The following BBS2 variants were observed in gnomAD, a reference collection of about 807,000 sequenced individuals.
BBS2 encodes the protein BBSome complex member BBS2.
Under a neutral mutation model 83.0 loss-of-function variants are expected in BBS2, and 62 were observed. The ratio of observed to expected loss-of-function variants is 0.75; its 90% CI spans 0.61 to 0.92. The LOEUF (loss-of-function observed/expected upper bound fraction) is 0.92, where lower values mean the gene tolerates loss of function less well. Ranked by LOEUF, BBS2 falls within the 40% of genes least tolerant of loss-of-function variation. The pLI is 0.00. For synonymous variants in BBS2, 303 were observed against 326.1 expected, an observed-to-expected ratio of 0.93 and a Z score of 0.76; for missense variants, 784 against 901.0, an observed-to-expected ratio of 0.87 and a Z score of 1.66.
chr16:56,480,352 C>CCAAAAAAAAAAAAAAAAAAA (rs1555519770), downstream of BBS2, among the ~76,000 whole-genome samples: 1 of 76,592 alleles, frequency 1.3e-5, no homozygotes, highest in East Asian at 3.2e-4. Flanking sequence ...CACACACACA[C>CCAAAAAAAAAAAAAAAAAAA]AAAAAAAAAA....
At chr16:56,515,949 C>G (rs1964733682) in intron 1 of BBS2, 1 of 152,270 alleles carries the variant, frequency 6.6e-6, no homozygotes, top group South Asian at 2.1e-4. Flanking sequence ...CCACATCACA[C>G]TTCCTTTTAT....
intron 17 of BBS2, chr16:56,475,918 A>C (rs1163139225): frequency 1.2e-6 from 1 of 832,852 alleles, no homozygotes; most frequent in African/African-American, 1.7e-5. Context: ...GTAAGTGTTC[A>C]TTCAGAGGAC....
chr16:56,501,271 G>A, intron 10 of BBS2, 82 bp downstream of exon 10: 1 of 1,526,028 alleles, frequency 6.6e-7, no homozygotes, highest in South Asian at 1.1e-5. Context: ...GACAGAGGAA[G>A]ACTCTGTCTC....
chr16:56,472,061 G>A (rs558667923), intron 17 of BBS2, among the ~76,000 whole-genome samples: 2 of 152,078 alleles, frequency 1.3e-5, no homozygotes, highest in South Asian at 2.1e-4. Context: ...TCCTAGGCTC[G>A]AGCGATCCTT....
chr16:56,500,204 T>G (rs1964227273), intron 11 of BBS2: 1 of 375,866 alleles, frequency 2.7e-6, no homozygotes, highest in Admixed American at 3.9e-5. Flanking sequence ...CTTCACTAGC[T>G]GAGGTTATGT....
chr16:56,495,947 T>C (rs1226616858), intron 15 of BBS2, among the ~76,000 whole-genome samples: 3 of 152,066 alleles, frequency 2.0e-5, no homozygotes, highest in African/African-American at 7.2e-5. Flanking sequence ...CAGTCTTTAG[T>C]TGATAACTGT....
At chr16:56,476,157 C>T (rs754446234) in intron 17 of BBS2, 4 of 1,613,462 alleles carry the variant, frequency 2.5e-6, no homozygotes, top group South Asian at 1.1e-5. Context: ...AGAAAACCTT[C>T]CCAAACAGAA....
At chr16:56,507,001 T>G (rs1964438319) in intron 5 of BBS2, among the ~76,000 whole-genome samples, 2 of 152,162 alleles carry the variant, frequency 1.3e-5, no homozygotes, top group Admixed American at 6.5e-5. Flanking sequence ...AAGCAGAGAA[T>G]AGTTATATAA....
chr16:56,501,507 A>AC lies in BBS2; in HGVS notation c.1081-11dup, dbSNP rs1402149344. On this transcript the variant is annotated splice_polypyrimidine_tract_variant and intron_variant, in intron 9 of 16. Coordinates refer to ENST00000245157, the MANE Select transcript of BBS2 (RefSeq NM_031885.5). ...GACTGGCCAATTCAGCCTGCAAAAC[A>AC]CCCCACCCATTTCCTACTCAGTCAC... 6.2e-7 allele frequency: 1 copy of AC among 1,613,914 alleles called. No homozygotes were observed. Among genetic ancestry groups the AC allele is most frequent in the Non-Finnish European group, 8.5e-7 (1 of 1,180,008 alleles).
intron 2 of BBS2, among the ~76,000 whole-genome samples, chr16:56,513,987 A>G (rs1597027208): frequency 6.6e-6 from 1 of 152,244 alleles, no homozygotes; most frequent in East Asian, 1.9e-4. Flanking sequence ...TGCTCTTTCT[A>G]GATGAAAAAA....
At chr16:56,497,559 C>T (rs1964148538) in intron 14 of BBS2, 184 bp downstream of exon 14, 3 of 746,836 alleles carry the variant, frequency 4.0e-6, no homozygotes, top group Non-Finnish European at 6.6e-6. Context: ...GAGCTAAACA[C>T]TTCCTTTTAT....
At chr16:56,504,723 G>A (rs1964377445) in intron 7 of BBS2, among the ~76,000 whole-genome samples, 1 of 152,190 alleles carries the variant, frequency 6.6e-6, no homozygotes, top group Non-Finnish European at 1.5e-5. Context: ...AACCTGACAA[G>A]TTTTCAAGTC....
rs376380339 is a variant in BBS2, at chr16:56,497,874, T to C, written c.1666A>G (p.Ile556Val). The change falls in exon 14 of 17, where the codon ATA becomes GTA. Residue 556 changes from isoleucine to valine, a missense_variant. Ile to Val is a conservative substitution (Grantham distance 29). Transcript: ENST00000245157. ...IKIKLSGEIT[I>V]NTDDIDLAGD... ...GCCAAATCAATATCATCAGTATTTA[T>C]AGTGATCTACCCAGAGAAAAAATAG... 77 of 1,610,204 alleles carry C rather than the reference T, an allele frequency of 4.8e-5. 1 individual carries two copies. Among genetic ancestry groups the C allele is most frequent in the East Asian group, 2.5e-4 (11 of 44,802 alleles).
intron 17 of BBS2, among the ~76,000 whole-genome samples, chr16:56,474,618 C>T (rs1963369320): frequency 6.6e-6 from 1 of 152,048 alleles, no homozygotes; most frequent in Non-Finnish European, 1.5e-5. Flanking sequence ...CCATGCCCGG[C>T]CCAAAATTCA....
At chr16:56,493,442 G>A (rs1441278785) in intron 15 of BBS2, among the ~76,000 whole-genome samples, 5 of 142,436 alleles carry the variant, frequency 3.5e-5, no homozygotes, top group African/African-American at 7.7e-5. Context: ...TACATACTAT[G>A]ACTTAATCTA....
chr16:56,505,848 C>T (rs560380134), intron 7 of BBS2, 102 bp downstream of exon 7: 106 of 887,758 alleles, frequency 1.2e-4, no homozygotes, highest in Non-Finnish European at 1.9e-4. Context: ...AAGGAACGAA[C>T]TGAAGTTTAC....
intron 17 of BBS2, chr16:56,475,636 T>G (rs1963435916): frequency 9.7e-6 from 12 of 1,240,474 alleles, no homozygotes; most frequent in Non-Finnish European, 1.4e-5. Context: ...AAGACCCAAT[T>G]TTTATGACCT....
chr16:56,500,777 G>T, intron 11 of BBS2, 77 bp downstream of exon 11: 1 of 1,479,774 alleles, frequency 6.8e-7, no homozygotes, highest in Non-Finnish European at 9.4e-7. Context: ...AGAATCCACT[G>T]GGCATATGGA....
At chr16:56,479,309 G>T (rs996059455) in intron 17 of BBS2, among the ~76,000 whole-genome samples, 3 of 151,996 alleles carry the variant, frequency 2.0e-5, no homozygotes, top group Non-Finnish European at 4.4e-5. Context: ...CCCTATCTCT[G>T]CTAAAAATAC....
Sources: allele counts gnomAD v4.1 joint callset (sites outside exome capture counted in the v4.1 genomes callset), GRCh38; gene constraint gnomAD v4.1.1; transcripts MANE v1.5; gene names NCBI Gene and HGNC (gene_info 2026-07-23, HGNC 2026-07-21).